Variants in ANKS1B observed in about 807,000 individuals in gnomAD.
ANKS1B encodes the protein ankyrin repeat and sterile alpha motif domain-containing protein 1B.
Under a neutral mutation model 148.3 loss-of-function variants are expected in ANKS1B, and 36 were observed. That is an observed-to-expected ratio of 0.24 (90% confidence interval 0.19 to 0.32). The LOEUF is 0.32. Among genes scored for constraint, ANKS1B ranks in the 10% least tolerant of loss-of-function variants. ANKS1B has a pLI of 1.00. For synonymous variants in ANKS1B, 542 were observed against 560.8 expected, an observed-to-expected ratio of 0.97 and a Z score of 0.47; for missense variants, 1,157 against 1,542.6, an observed-to-expected ratio of 0.75 and a Z score of 4.19.
At chr12:99,364,636 T>C (rs1429810371) in intron 12 of ANKS1B, among the ~76,000 whole-genome samples, 2 of 152,230 alleles carry the variant, frequency 1.3e-5, no homozygotes, top group African/African-American at 2.4e-5. Context: ...TGTTATGGCA[T>C]TGATGGTCAT....
At chr12:99,621,557 G>A (rs889969258) in intron 9 of ANKS1B, among the ~76,000 whole-genome samples, 3 of 150,900 alleles carry the variant, frequency 2.0e-5, no homozygotes, top group Non-Finnish European at 4.4e-5. Flanking sequence ...AAGGGTTAGA[G>A]AAAGATCTAC....
At chr12:99,308,910 A>G (rs1397587604) in intron 12 of ANKS1B, among the ~76,000 whole-genome samples, 1 of 149,192 alleles carries the variant, frequency 6.7e-6, no homozygotes, top group Non-Finnish European at 1.5e-5. Context: ...TATAGTATAT[A>G]TGTATACTAT....
chr12:99,634,390 A>C (rs1460354444), intron 9 of ANKS1B, among the ~76,000 whole-genome samples: 1 of 152,118 alleles, frequency 6.6e-6, no homozygotes, highest in East Asian at 1.9e-4. Context: ...CTCTCACCAG[A>C]TGTAGCCCCT....
intron 17 of ANKS1B, among the ~76,000 whole-genome samples, chr12:99,042,105 T>C (rs576631542): frequency 6.6e-6 from 1 of 152,278 alleles, no homozygotes; most frequent in South Asian, 2.1e-4. Context: ...CTGATTGCAG[T>C]AATGGTCCCA....
At chr12:99,604,823 A>T (rs1406491749) in intron 9 of ANKS1B, among the ~76,000 whole-genome samples, 1 of 151,316 alleles carries the variant, frequency 6.6e-6, no homozygotes, top group Non-Finnish European at 1.5e-5. Context: ...CTCAAAAAAA[A>T]AAAAAAAAAG....
intron 22 of ANKS1B, among the ~76,000 whole-genome samples, chr12:98,793,396 C>A (rs767239001): frequency 6.6e-6 from 1 of 152,062 alleles, no homozygotes; most frequent in African/African-American, 2.4e-5. Flanking sequence ...TAGAAGAAAA[C>A]GCTGGAGAAA....
chr12:99,496,492 G>C (rs2096605975), intron 10 of ANKS1B, among the ~76,000 whole-genome samples: 2 of 152,192 alleles, frequency 1.3e-5, no homozygotes, highest in Non-Finnish European at 1.5e-5. Context: ...ATAAACATGA[G>C]TCTTAGCAAA....
chr12:99,635,611 A>C lies in ANKS1B; in HGVS notation c.1272+19456T>G, dbSNP rs1451516476. Among the ~76,000 whole-genome samples the C allele has an allele frequency of 2.6e-5, 4 of 152,280 alleles. No individual in the cohort carries two copies. In the South Asian group the frequency reaches 6.2e-4, roughly 24 times the overall value. On this transcript the variant is annotated intron_variant, in intron 9 of 26. Transcript: ENST00000683438. ...CCATTGACAGATAGGGGGAGGAATAAATAGAAAGTTTTGTTTAATGGGTAC... is the reference window on the plus strand; with the variant it reads ...CCATTGACAGATAGGGGGAGGAATACATAGAAAGTTTTGTTTAATGGGTAC...
At chr12:99,979,315 GA>G (rs1437771532) in intron 1 of ANKS1B, among the ~76,000 whole-genome samples, 1 of 152,112 alleles carries the variant, frequency 6.6e-6, no homozygotes, top group African/African-American at 2.4e-5. Flanking sequence ...TTGAAAAAGA[GA>G]AAAGAGGTGT....
At chr12:99,823,149 G>C (rs2082712265) in intron 2 of ANKS1B, among the ~76,000 whole-genome samples, 1 of 151,882 alleles carries the variant, frequency 6.6e-6, no homozygotes, top group Admixed American at 6.6e-5. Context: ...TTTGGTTTTT[G>C]CTTGTTGAAT....
chr12:99,802,024 T>C (rs560729964), intron 4 of ANKS1B, among the ~76,000 whole-genome samples: 2 of 152,262 alleles, frequency 1.3e-5, no homozygotes, highest in East Asian at 3.9e-4. Flanking sequence ...GAAATTATCA[T>C]CTAGGGAAAT....
chr12:99,000,683 G>A (rs189192047), intron 17 of ANKS1B, among the ~76,000 whole-genome samples: 13 of 152,194 alleles, frequency 8.5e-5, no homozygotes, highest in African/African-American at 1.4e-4. Flanking sequence ...GGCACAGGTT[G>A]TACAGCAGAT....
At chr12:98,981,551 G>T (rs1474704006) in intron 17 of ANKS1B, among the ~76,000 whole-genome samples, 1 of 152,050 alleles carries the variant, frequency 6.6e-6, no homozygotes, top group African/African-American at 2.4e-5. Flanking sequence ...GGCCAGGCTG[G>T]TCTCAAACTC....
At chr12:99,627,656 C>T (rs971189167) in intron 9 of ANKS1B, among the ~76,000 whole-genome samples, 4 of 152,126 alleles carry the variant, frequency 2.6e-5, no homozygotes, top group East Asian at 1.9e-4. Context: ...TGAGGGCCTG[C>T]GGCATGCAAT....
chr12:99,253,760 T>C (rs2153975948), intron 12 of ANKS1B, among the ~76,000 whole-genome samples: 1 of 152,256 alleles, frequency 6.6e-6, no homozygotes, highest in African/African-American at 2.4e-5. Flanking sequence ...AGAGACACGC[T>C]ACAGTGAAGA....
intron 8 of ANKS1B, among the ~76,000 whole-genome samples, chr12:99,674,562 T>C (rs2098553381): frequency 6.6e-6 from 1 of 151,730 alleles, no homozygotes; most frequent in African/African-American, 2.4e-5. Flanking sequence ...ACTGAATATA[T>C]AATCTTTATT....
At chr12:98,903,022 G>A (rs1315260908) in intron 17 of ANKS1B, among the ~76,000 whole-genome samples, 1 of 152,086 alleles carries the variant, frequency 6.6e-6, no homozygotes, top group Non-Finnish European at 1.5e-5. Flanking sequence ...AGGATTTTTA[G>A]AGGACAAAAT....
intron 8 of ANKS1B, among the ~76,000 whole-genome samples, chr12:99,770,251 A>G (rs1396238917): frequency 6.6e-6 from 1 of 152,202 alleles, no homozygotes; most frequent in African/African-American, 2.4e-5. Flanking sequence ...TTATTTATTC[A>G]GTGTTTTATA....
chr12:99,452,367 T>C (rs1359423524), intron 10 of ANKS1B, among the ~76,000 whole-genome samples: 1 of 152,206 alleles, frequency 6.6e-6, no homozygotes, highest in Non-Finnish European at 1.5e-5. Flanking sequence ...CATATTCATA[T>C]TATAGATGAA....
Sources: allele counts gnomAD v4.1 joint callset (sites outside exome capture counted in the v4.1 genomes callset), GRCh38; gene constraint gnomAD v4.1.1; transcripts MANE v1.5; gene names NCBI Gene and HGNC (gene_info 2026-07-23, HGNC 2026-07-21).